TRAPPC9: variants seen among roughly 807,000 people sequenced by gnomAD.
TRAPPC9 encodes the protein IKK2 binding protein.
In TRAPPC9, 83 loss-of-function variants were observed where a neutral mutation model predicts 124.0. The observed-to-expected ratio is 0.67, with a 90% CI of 0.56 to 0.80. The LOEUF (loss-of-function observed/expected upper bound fraction) is 0.80. Among genes scored for constraint, TRAPPC9 ranks in the 30% least tolerant of loss-of-function variants. TRAPPC9 has a pLI of 0.00. For synonymous variants in TRAPPC9, 638 were observed against 617.5 expected (o/e 1.03, Z -0.49); for missense variants, 1,302 against 1,508.3 (o/e 0.86, Z 2.27).
Position 140,287,720 on chromosome 8 carries a change from G to A in TRAPPC9, c.1869C>T (p.Ser623=), listed in dbSNP as rs117685875. Residue 623 remains serine (S), a synonymous_variant, in exon 13 of 23, where the codon AGC becomes AGT. Coordinates refer to ENST00000438773, the MANE Select transcript of TRAPPC9 (RefSeq NM_001160372.4). ...CAGGGAGAGACTCGAACTCCACTCC[G>A]CTGGTGAGCAGCCCCTAAACCAAGC... The part of the protein sequence containing the change: ...LRVENMGLLT[S]GVEFESLPAA... The A allele has an allele frequency of 0.013, 21,675 of 1,614,128 alleles. 190 individuals are homozygous for A. Among genetic ancestry groups the A allele is most frequent in the Non-Finnish European group, 0.017 (19,853 of 1,180,020 alleles).
At chr8:139,856,432 C>G (rs1238667046) in intron 21 of TRAPPC9, among the ~76,000 whole-genome samples, 3 of 152,174 alleles carry the variant, frequency 2.0e-5, no homozygotes, top group African/African-American at 4.8e-5. Context: ...TGCCCTCCCC[C>G]TCTGGGACCG....
At chr8:139,862,790 G>T (rs542916487) in intron 21 of TRAPPC9, among the ~76,000 whole-genome samples, 1 of 152,330 alleles carries the variant, frequency 6.6e-6, no homozygotes, top group East Asian at 1.9e-4. Flanking sequence ...GGCTCCCCAG[G>T]GTCACAGCGC....
At chr8:140,437,129 A>G (rs1247955375) in intron 3 of TRAPPC9, among the ~76,000 whole-genome samples, 1 of 148,544 alleles carries the variant, frequency 6.7e-6, no homozygotes, top group Non-Finnish European at 1.5e-5. Context: ...AAGCCCAGCT[A>G]ATGTCTTTTT....
At chr8:140,418,854 A>G (rs1244884408) in intron 5 of TRAPPC9, among the ~76,000 whole-genome samples, 1 of 152,264 alleles carries the variant, frequency 6.6e-6, no homozygotes, top group Non-Finnish European at 1.5e-5. Context: ...GGTTTATACA[A>G]CATGATCAAG....
chr8:140,073,530 A>T (rs1843310157), intron 17 of TRAPPC9, among the ~76,000 whole-genome samples: 1 of 152,218 alleles, frequency 6.6e-6, no homozygotes, highest in Admixed American at 6.5e-5. Flanking sequence ...GGACACCTCT[A>T]GTTAGCGTAT....
chr8:140,074,594 C>T (rs1243457219), intron 17 of TRAPPC9, among the ~76,000 whole-genome samples: 2 of 152,168 alleles, frequency 1.3e-5, no homozygotes, highest in African/African-American at 2.4e-5. Context: ...ACTGGGCTCT[C>T]GTTGTCAGAC....
chr8:139,848,785 G>A (rs1052805246), intron 21 of TRAPPC9, among the ~76,000 whole-genome samples: 4 of 152,140 alleles, frequency 2.6e-5, no homozygotes, highest in Non-Finnish European at 5.9e-5. Flanking sequence ...TCTCTTCCCC[G>A]TAGGCAGCCT....
chr8:140,136,699 G>A (rs1006537094), intron 17 of TRAPPC9, among the ~76,000 whole-genome samples: 5 of 152,176 alleles, frequency 3.3e-5, no homozygotes, highest in South Asian at 2.1e-4. Flanking sequence ...GTAGCTGGGC[G>A]TGATCGTGAG....
chr8:139,817,005 C>T (rs1210288385), intron 21 of TRAPPC9, among the ~76,000 whole-genome samples: 1 of 145,542 alleles, frequency 6.9e-6, no homozygotes, highest in Non-Finnish European at 1.5e-5. Flanking sequence ...TCCTTGTGAG[C>T]CATTTAAGTC....
intron 19 of TRAPPC9, among the ~76,000 whole-genome samples, chr8:139,914,326 G>C (rs1239683485): frequency 6.6e-6 from 1 of 152,262 alleles, no homozygotes; most frequent in African/African-American, 2.4e-5. Flanking sequence ...GGGACACCCA[G>C]GTGCTGGAAG....
chr8:139,918,536 C>G (rs561078486), intron 19 of TRAPPC9, among the ~76,000 whole-genome samples: 18 of 152,342 alleles, frequency 1.2e-4, no homozygotes, highest in Non-Finnish European at 2.6e-4. Context: ...GCGAGGGGCC[C>G]TCCCCGGCCC....
intron 9 of TRAPPC9, among the ~76,000 whole-genome samples, chr8:140,324,796 C>G (rs1032665604): frequency 1.3e-5 from 2 of 152,056 alleles, no homozygotes; most frequent in Admixed American, 1.3e-4. Context: ...AATTTAAAAA[C>G]TTTTTAAGTA....
chr8:140,381,986 TC>T (rs1482729851), intron 7 of TRAPPC9, among the ~76,000 whole-genome samples: 3 of 152,220 alleles, frequency 2.0e-5, no homozygotes, highest in Admixed American at 6.5e-5. Context: ...ACTTGTACAT[TC>T]CCACAAAACT....
At chr8:139,902,456 G>C (rs1831080941) in intron 20 of TRAPPC9, among the ~76,000 whole-genome samples, 1 of 152,156 alleles carries the variant, frequency 6.6e-6, no homozygotes, top group South Asian at 2.1e-4. Context: ...AAAGGCCTCA[G>C]AACCACGTTA....
In TRAPPC9 at chr8:140,230,137, A is replaced by G. The variant is rs114812926; in HGVS notation, c.2432-8554T>C. 7.6e-3 allele frequency among the ~76,000 whole-genome samples: 1,162 copies of G among 152,338 alleles called. 23 individuals are homozygous for G. The highest frequency in any genetic ancestry group is 0.026 in the African/African-American group (1,081 of 41,568). ...AGGCACAAGCACATAACATGCTCCA[A>G]GAGCCAACGTCCAACCAAGACTGCA... On this transcript the variant is annotated intron_variant, in intron 16 of 22. Transcript: ENST00000438773.
chr8:139,809,592 T>C (rs894581381), intron 21 of TRAPPC9, among the ~76,000 whole-genome samples: 2 of 152,202 alleles, frequency 1.3e-5, no homozygotes, highest in African/African-American at 4.8e-5. Flanking sequence ...AGTCTAATTT[T>C]GCCTGCTGGC....
At chr8:140,268,635 G>T (rs112826789) in intron 15 of TRAPPC9, among the ~76,000 whole-genome samples, 1 of 152,138 alleles carries the variant, frequency 6.6e-6, no homozygotes, top group Non-Finnish European at 1.5e-5. Flanking sequence ...GCTGACCTGT[G>T]ACCTGAGGCT....
intron 17 of TRAPPC9, among the ~76,000 whole-genome samples, chr8:140,047,381 G>A (rs1841674051): frequency 6.6e-6 from 1 of 152,246 alleles, no homozygotes; most frequent in Non-Finnish European, 1.5e-5. Flanking sequence ...GCCCGAATGC[G>A]AAGGGTATGG....
At chr8:139,838,130 C>G (rs1200434021) in intron 21 of TRAPPC9, among the ~76,000 whole-genome samples, 2 of 152,188 alleles carry the variant, frequency 1.3e-5, no homozygotes. Flanking sequence ...CAGCCACAGC[C>G]CCAAACCCCT....
Sources: allele counts gnomAD v4.1 joint callset (sites outside exome capture counted in the v4.1 genomes callset), GRCh38; gene constraint gnomAD v4.1.1; transcripts MANE v1.5; gene names NCBI Gene and HGNC (gene_info 2026-07-23, HGNC 2026-07-21).